Variants in RNF169 observed in about 807,000 individuals in gnomAD.
RNF169 encodes E3 ubiquitin-protein ligase RNF169.
RNF169 carries 24 observed loss-of-function variants against 53.9 expected under a neutral mutation model. The ratio of observed to expected loss-of-function variants is 0.45; its 90% CI spans 0.32 to 0.63. The LOEUF (loss-of-function observed/expected upper bound fraction) is 0.63. Among genes scored for constraint, RNF169 ranks in the 20% least tolerant of loss-of-function variants. The pLI is 0.04. For synonymous variants in RNF169, 396 were observed against 363.5 expected (o/e 1.09, Z -1.02); for missense variants, 883 against 906.2 (o/e 0.97, Z 0.33).
intron 4 of RNF169, among the ~76,000 whole-genome samples, chr11:74,828,582 C>T (rs1026824584): frequency 1.3e-5 from 2 of 152,200 alleles, no homozygotes; most frequent in African/African-American, 4.8e-5. Context: ...ATCACACTAC[C>T]TGACTTCAAA....
intron 2 of RNF169, among the ~76,000 whole-genome samples, chr11:74,794,555 T>G (rs1431523579): frequency 1.3e-5 from 2 of 152,208 alleles, no homozygotes; most frequent in Non-Finnish European, 2.9e-5. Flanking sequence ...AGTTTAGTTA[T>G]GGATATCACA....
intron 2 of RNF169, among the ~76,000 whole-genome samples, chr11:74,793,413 A>G (rs1407723633): frequency 6.6e-6 from 1 of 152,244 alleles, no homozygotes; most frequent in Non-Finnish European, 1.5e-5. Flanking sequence ...TTCACTTAGT[A>G]TACTCTATTA....
intron 5 of RNF169, among the ~76,000 whole-genome samples, 170 bp from the exon 6 acceptor site, chr11:74,835,376 A>G (rs1450924578): frequency 6.6e-6 from 1 of 152,176 alleles, no homozygotes; most frequent in Non-Finnish European, 1.5e-5. Context: ...ATTTTCTGCT[A>G]AATGGTATGC....
Position 74,836,451 on chromosome 11 carries a change from T to C in RNF169, c.1848T>C (p.Pro616=). 6.2e-7 allele frequency: 1 copy of C among 1,614,216 alleles called. No individual in the cohort carries two copies. The highest frequency in any genetic ancestry group is 1.3e-5 in the African/African-American group (1 of 75,064). ...AGAGCCTAAGTGAAGAGCCACTTCCTTCTTTGCGTCGAGGCCGGAAAAGAC... is the reference window on the plus strand; with the variant it reads ...AGAGCCTAAGTGAAGAGCCACTTCCCTCTTTGCGTCGAGGCCGGAAAAGAC... ...LVESLSEEPL[P]SLRRGRKRHC... is the part of the protein sequence containing the mutation. The change falls in exon 6 of 6, where the codon CCT becomes CCC. Residue 616 remains proline (P), a synonymous_variant. Transcript: ENST00000299563.
At chr11:74,806,908 CTG>C in intron 2 of RNF169, among the ~76,000 whole-genome samples, 1 of 151,642 alleles carries the variant, frequency 6.6e-6, no homozygotes, top group East Asian at 1.9e-4. Context: ...GTATACTTTT[CTG>C]TGTGTATATT....
At chr11:74,796,417 G>C (rs1016046432) in intron 2 of RNF169, among the ~76,000 whole-genome samples, 1 of 152,108 alleles carries the variant, frequency 6.6e-6, no homozygotes, top group African/African-American at 2.4e-5. Context: ...CTTCAGTATT[G>C]ATATCTTTTA....
At chr11:74,802,617 TG>T (rs2035748732) in intron 2 of RNF169, among the ~76,000 whole-genome samples, 2 of 152,184 alleles carry the variant, frequency 1.3e-5, no homozygotes, top group South Asian at 4.1e-4. Flanking sequence ...TGCTCCAGCC[TG>T]GGCAACAGAG....
rs186233538 is a variant in RNF169 at position 74,767,633 on chromosome 11, G to A, written c.502+18251G>A. Among the ~76,000 whole-genome samples, 1,349 of 152,040 alleles carry A rather than the reference G, an allele frequency of 8.9e-3. 24 individuals carry two copies. Among genetic ancestry groups the A allele is most frequent in the African/African-American group, 0.031 (1,273 of 41,452 alleles). ...CGCCCAGGCTGGAGTGCAGTGGCGC[G>A]ATCTTGGCTCACTGCAACCTCCGCC... On this transcript the variant is annotated intron_variant, in intron 1 of 5. Coordinates refer to ENST00000299563, the MANE Select transcript of RNF169 (RefSeq NM_001098638.2).
chr11:74,816,077 C>T (rs572022076), intron 3 of RNF169, among the ~76,000 whole-genome samples: 1 of 152,294 alleles, frequency 6.6e-6, no homozygotes, highest in Admixed American at 6.5e-5. Context: ...CTTCAAATCT[C>T]TCTCAAAGGC....
At chr11:74,811,208 C>T (rs1333739710) in intron 3 of RNF169, among the ~76,000 whole-genome samples, 4 of 151,950 alleles carry the variant, frequency 2.6e-5, no homozygotes, top group African/African-American at 4.8e-5. Context: ...TACACTTCGG[C>T]CAAGTTACTT....
intron 4 of RNF169, among the ~76,000 whole-genome samples, chr11:74,833,070 C>T (rs1052705778): frequency 1.3e-5 from 2 of 152,166 alleles, no homozygotes; most frequent in African/African-American, 2.4e-5. Flanking sequence ...GCACGTGATA[C>T]AGGCTGGCCA....
intron 2 of RNF169, among the ~76,000 whole-genome samples, chr11:74,792,201 A>G (rs1199458100): frequency 6.6e-6 from 1 of 152,130 alleles, no homozygotes; most frequent in Non-Finnish European, 1.5e-5. Flanking sequence ...CTGTTGAAAA[A>G]TTATTTTCAG....
intron 4 of RNF169, among the ~76,000 whole-genome samples, chr11:74,822,933 G>A (rs541859677): frequency 7.2e-5 from 11 of 152,190 alleles, no homozygotes; most frequent in South Asian, 2.1e-4. Context: ...AAAGGACTCC[G>A]TACAAAAGAG....
chr11:74,777,825 A>G (rs2035358895), intron 1 of RNF169, among the ~76,000 whole-genome samples: 1 of 151,960 alleles, frequency 6.6e-6, no homozygotes. Flanking sequence ...ATGGAGTCTC[A>G]TTATGTTGTC....
At chr11:74,763,872 G>C (rs938725080) in intron 1 of RNF169, among the ~76,000 whole-genome samples, 14 of 152,140 alleles carry the variant, frequency 9.2e-5, no homozygotes, top group Non-Finnish European at 1.6e-4. Flanking sequence ...TTTGAGACGA[G>C]GTCTTGCTCT....
intron 4 of RNF169, among the ~76,000 whole-genome samples, chr11:74,828,863 A>C (rs2036136201): frequency 6.6e-6 from 1 of 152,222 alleles, no homozygotes; most frequent in Non-Finnish European, 1.5e-5. Flanking sequence ...TAAAGACTTA[A>C]ATGTAAAACC....
intron 4 of RNF169, among the ~76,000 whole-genome samples, chr11:74,825,860 C>T (rs1323446435): frequency 6.6e-6 from 1 of 152,100 alleles, no homozygotes; most frequent in Non-Finnish European, 1.5e-5. Context: ...TAAAGAACGG[C>T]CCGAGACTAG....
intron 4 of RNF169, among the ~76,000 whole-genome samples, chr11:74,822,689 T>G (rs2036031691): frequency 6.6e-6 from 1 of 152,212 alleles, no homozygotes; most frequent in Admixed American, 6.5e-5. Flanking sequence ...GAATTGGGGA[T>G]GATGACACCT....
intron 1 of RNF169, among the ~76,000 whole-genome samples, chr11:74,765,838 A>G (rs113137125): frequency 6.6e-6 from 1 of 151,868 alleles, no homozygotes; most frequent in African/African-American, 2.4e-5. Flanking sequence ...AAAACAAAAA[A>G]ACCCAAAACC....
Sources: gnomAD v4.1 joint callset for allele counts (sites outside exome capture counted in the v4.1 genomes callset) on GRCh38, gnomAD v4.1.1 for gene constraint, MANE v1.5 for transcripts, NCBI Gene and HGNC (gene_info 2026-07-23, HGNC 2026-07-21) for gene names.